NRXN3: variants seen among roughly 807,000 people sequenced by gnomAD.
NRXN3 encodes neurexin III.
A neutral mutation model predicts 137.6 loss-of-function variants in NRXN3; 32 were observed. The observed-to-expected ratio is 0.23, with a 90% CI of 0.18 to 0.31. NRXN3 has a LOEUF of 0.31. NRXN3 is among the 10% of genes least tolerant of loss of function. NRXN3 has a pLI of 1.00. For synonymous variants in NRXN3, 798 were observed against 784.5 expected (o/e 1.02, Z -0.29); for missense variants, 1,574 against 2,062.5 (o/e 0.76, Z 4.59).
chr14:79,697,730 T>C lies in NRXN3; in HGVS notation c.3807T>C (p.Asp1269=), dbSNP rs373861261. ...FQGQLSGLYY[D]GLKVLNMAAE... Reference sequence around the variant, plus strand: ...GCCAACTCTCTGGGCTCTATTATGATGGTTTGAAAGTACTGAACATGGCGG... The same window carrying C: ...GCCAACTCTCTGGGCTCTATTATGACGGTTTGAAAGTACTGAACATGGCGG... Residue 1269 remains aspartate (D), a synonymous_variant, in exon 19 of 21, where the codon GAT becomes GAC. Transcript: ENST00000335750. 113 of 1,613,070 alleles carry C rather than the reference T, an allele frequency of 7.0e-5. No individual in the cohort carries two copies. The highest frequency in any genetic ancestry group is 9.0e-5 in the Non-Finnish European group (106 of 1,179,448).
chr14:79,743,830 G>T (rs2098970643), intron 19 of NRXN3, among the ~76,000 whole-genome samples: 1 of 152,076 alleles, frequency 6.6e-6, no homozygotes, highest in Non-Finnish European at 1.5e-5. Flanking sequence ...AGCAGACTCT[G>T]GCTTAATTGG....
intron 6 of NRXN3, among the ~76,000 whole-genome samples, chr14:78,679,147 T>C (rs2098044738): frequency 6.6e-6 from 1 of 152,196 alleles, no homozygotes; most frequent in African/African-American, 2.4e-5. Context: ...AAAAAAAGTA[T>C]TACCAAAATA....
At chr14:79,521,318 T>TGTC (rs59648015) in intron 16 of NRXN3, among the ~76,000 whole-genome samples, 4,162 of 152,236 alleles carry the variant, frequency 0.027, 197 homozygotes, top group African/African-American at 0.095. Context: ...TTTTCTCCCT[T>TGTC]GTCATTTTTA....
chr14:78,984,728 C>T (rs1034361805), intron 14 of NRXN3, among the ~76,000 whole-genome samples: 13 of 152,154 alleles, frequency 8.5e-5, no homozygotes, highest in African/African-American at 3.1e-4. Flanking sequence ...AAGTGTTTTT[C>T]TCATAAGCTT....
At chr14:78,397,003 C>T (rs1398755163) in intron 4 of NRXN3, among the ~76,000 whole-genome samples, 1 of 152,124 alleles carries the variant, frequency 6.6e-6, no homozygotes, top group Non-Finnish European at 1.5e-5. Context: ...AATTAAGACC[C>T]TACCCTTATG....
At chr14:78,607,053 C>T (rs987617824) in intron 4 of NRXN3, among the ~76,000 whole-genome samples, 11 of 152,104 alleles carry the variant, frequency 7.2e-5, no homozygotes, top group Admixed American at 6.5e-4. Context: ...TGATCACAGC[C>T]CCATTGTCTG....
intron 16 of NRXN3, among the ~76,000 whole-genome samples, chr14:79,502,816 G>C (rs973847650): frequency 1.3e-5 from 2 of 151,574 alleles, no homozygotes; most frequent in African/African-American, 4.9e-5. Context: ...ACCTTTCTTT[G>C]CTTGGCTTTT....
intron 4 of NRXN3, among the ~76,000 whole-genome samples, chr14:78,389,271 G>A (rs990751855): frequency 6.6e-6 from 1 of 152,080 alleles, no homozygotes; most frequent in African/African-American, 2.4e-5. Flanking sequence ...GGCCAGGCTG[G>A]TCTTGAACTC....
chr14:78,709,147 C>T (rs2098385284), intron 6 of NRXN3, 70 bp from the exon 7 acceptor site: 3 of 1,419,036 alleles, frequency 2.1e-6, no homozygotes, highest in Admixed American at 2.1e-5. Context: ...TTTCCAGGTG[C>T]CCAGTGAGTG....
intron 15 of NRXN3, among the ~76,000 whole-genome samples, chr14:79,052,490 T>C (rs1166858758): frequency 1.3e-5 from 2 of 152,132 alleles, no homozygotes; most frequent in Non-Finnish European, 2.9e-5. Context: ...GAAAGAGCAG[T>C]GGGATACATC....
At chr14:78,294,670 A>T (rs2076146822) in intron 3 of NRXN3, among the ~76,000 whole-genome samples, 1 of 152,102 alleles carries the variant, frequency 6.6e-6, no homozygotes, top group Non-Finnish European at 1.5e-5. Context: ...AAATTTTATG[A>T]TAGGAAAATC....
chr14:78,889,578 T>G (rs1252810349), intron 10 of NRXN3, among the ~76,000 whole-genome samples: 1 of 152,016 alleles, frequency 6.6e-6, no homozygotes, highest in Non-Finnish European at 1.5e-5. Flanking sequence ...TGTTCTAAAA[T>G]TATATGTACA....
chr14:79,433,487 T>C (rs1017578620), intron 15 of NRXN3, among the ~76,000 whole-genome samples: 1 of 152,194 alleles, frequency 6.6e-6, no homozygotes, highest in Non-Finnish European at 1.5e-5. Flanking sequence ...GGTAGGTCTT[T>C]GTTATGTCTC....
At chr14:78,835,197 G>T (rs1171323368) in intron 10 of NRXN3, among the ~76,000 whole-genome samples, 1 of 152,158 alleles carries the variant, frequency 6.6e-6, no homozygotes, top group South Asian at 2.1e-4. Context: ...AGAGAATAGC[G>T]GTGGCGGACA....
chr14:78,296,889 G>T (rs2076400747), intron 3 of NRXN3, among the ~76,000 whole-genome samples: 1 of 151,796 alleles, frequency 6.6e-6, no homozygotes, highest in South Asian at 2.1e-4. Context: ...GGAGTGATTT[G>T]GATATGTCAA....
chr14:78,648,519 A>T (rs2097708583), intron 5 of NRXN3, among the ~76,000 whole-genome samples: 1 of 152,230 alleles, frequency 6.6e-6, no homozygotes, highest in Non-Finnish European at 1.5e-5. Flanking sequence ...AATAAAGAAG[A>T]TTCTAATTTT....
chr14:78,985,770 G>A (rs1344183211), intron 14 of NRXN3, among the ~76,000 whole-genome samples: 3 of 152,170 alleles, frequency 2.0e-5, no homozygotes, highest in East Asian at 3.9e-4. Flanking sequence ...GAGCCCCTGT[G>A]GACTTCTCAG....
In NRXN3 at chr14:79,258,704, A is replaced by C. The variant is rs74368120; in HGVS notation, c.3263-208517A>C. On this transcript the variant is annotated intron_variant, in intron 15 of 20. Coordinates refer to ENST00000335750, the MANE Select transcript of NRXN3 (RefSeq NM_001330195.2). ...TAAGATAGCTCCCAGCTCTTGGCTC[A>C]TTGTTGGTGACAAACTCAAGTAACA... Among the ~76,000 whole-genome samples the C allele has an allele frequency of 7.2e-3, 1,095 of 152,308 alleles. 12 individuals carry two copies. The highest frequency in any genetic ancestry group is 0.025 in the African/African-American group (1,034 of 41,570).
At chr14:78,426,932 G>A (rs2093686653) in intron 4 of NRXN3, among the ~76,000 whole-genome samples, 1 of 152,132 alleles carries the variant, frequency 6.6e-6, no homozygotes, top group Admixed American at 6.5e-5. Flanking sequence ...TTCAGATTTG[G>A]AATAAACATG....
Sources: allele counts gnomAD v4.1 joint callset (sites outside exome capture counted in the v4.1 genomes callset), GRCh38; gene constraint gnomAD v4.1.1; transcripts MANE v1.5; gene names NCBI Gene and HGNC (gene_info 2026-07-23, HGNC 2026-07-21).